Variants in ATP10B observed in about 807,000 individuals in gnomAD.
ATP10B encodes phospholipid-transporting ATPase VB.
In ATP10B, 122 loss-of-function variants were observed where a neutral mutation model predicts 141.2. The observed-to-expected ratio is 0.86, with a 90% confidence interval of 0.75 to 1.00. ATP10B has a LOEUF of 1.00. ATP10B is among the 50% of genes least tolerant of loss of function. ATP10B has a pLI of 0.00. For missense variants in ATP10B, 1,876 were observed against 1,825.3 expected (o/e 1.03, Z -0.51); for synonymous variants, 685 against 692.0 (o/e 0.99, Z 0.16).
chr5:160,904,493 G>A, the ATP10B span, among the ~76,000 whole-genome samples: 1 of 105,806 alleles, frequency 9.5e-6, no homozygotes, highest in Non-Finnish European at 2.0e-5. Flanking sequence ...TTGCCTGTAT[G>A]TCTGGGTGTG....
At chr5:160,785,892 A>T (rs1771110955) in intron 1 of ATP10B, 89 bp from the exon 2 acceptor site, 1 of 260,458 alleles carries the variant, frequency 3.8e-6, no homozygotes, top group Non-Finnish European at 7.4e-6. Flanking sequence ...TTTTCTCTTT[A>T]ACTGGATGGC....
intron 3 of ATP10B, among the ~76,000 whole-genome samples, chr5:160,701,783 C>A (rs1336465195): frequency 6.6e-6 from 1 of 151,672 alleles, no homozygotes; most frequent in Non-Finnish European, 1.5e-5. Context: ...ATTCTAATGC[C>A]TCCTGGGAAG....
At chr5:160,781,385 G>A (rs1226211340) in intron 2 of ATP10B, among the ~76,000 whole-genome samples, 3 of 152,066 alleles carry the variant, frequency 2.0e-5, no homozygotes, top group South Asian at 2.1e-4. Flanking sequence ...GCTGCTCTAC[G>A]TCCAGGAGCC....
At chr5:160,926,572 G>A in the ATP10B span, among the ~76,000 whole-genome samples, 9 of 152,296 alleles carry the variant, frequency 5.9e-5, no homozygotes, top group Non-Finnish European at 1.2e-4. Flanking sequence ...ACAGGGCTGG[G>A]GCTGACGCCA....
At chr5:160,725,354 C>T (rs149008901) in intron 2 of ATP10B, among the ~76,000 whole-genome samples, 1 of 152,322 alleles carries the variant, frequency 6.6e-6, no homozygotes, top group East Asian at 1.9e-4. Flanking sequence ...GGGAAAACTA[C>T]CTTCTTCACT....
intron 3 of ATP10B, among the ~76,000 whole-genome samples, chr5:160,702,109 T>G (rs1764718085): frequency 6.6e-6 from 1 of 152,204 alleles, no homozygotes; most frequent in Non-Finnish European, 1.5e-5. Context: ...TTACACCTCC[T>G]TCCTAGGTAC....
chr5:160,662,521 A>G (rs964531795), intron 7 of ATP10B, among the ~76,000 whole-genome samples: 1 of 152,200 alleles, frequency 6.6e-6, no homozygotes, highest in African/African-American at 2.4e-5. Context: ...TCTTTGACAA[A>G]CCTGAGAAAA....
the ATP10B span, among the ~76,000 whole-genome samples, chr5:160,890,499 T>C: frequency 1.3e-5 from 2 of 151,912 alleles, no homozygotes; most frequent in Non-Finnish European, 2.9e-5. Flanking sequence ...TCTCTTTGGA[T>C]TTGACTATTC....
chr5:160,684,822 T>A (rs1291347850), intron 6 of ATP10B: 2 of 670,042 alleles, frequency 3.0e-6, no homozygotes, highest in South Asian at 3.3e-5. Flanking sequence ...TTCCCCAGAG[T>A]TTTTTGCTTT....
the ATP10B span, among the ~76,000 whole-genome samples, chr5:160,905,052 A>C: frequency 2.0e-5 from 3 of 152,248 alleles, no homozygotes; most frequent in Non-Finnish European, 2.9e-5. Flanking sequence ...GCTAGCAGTT[A>C]TTGAACAGTA....
intron 17 of ATP10B, 30 bp downstream of exon 17, chr5:160,615,808 T>C (rs753165428): frequency 1.9e-6 from 3 of 1,600,442 alleles, no homozygotes; most frequent in African/African-American, 1.3e-5. Flanking sequence ...CATTCCTTTT[T>C]TCCTATAATA....
chr5:160,743,918 C>T (rs1767640787), intron 2 of ATP10B, among the ~76,000 whole-genome samples: 1 of 152,076 alleles, frequency 6.6e-6, no homozygotes, highest in African/African-American at 2.4e-5. Flanking sequence ...TGCTTCTAAT[C>T]ATCCTATAAT....
intron 24 of ATP10B, among the ~76,000 whole-genome samples, chr5:160,573,050 G>T (rs905079682): frequency 8.5e-5 from 13 of 152,066 alleles, no homozygotes; most frequent in African/African-American, 3.1e-4. Flanking sequence ...TTCTAGTATG[G>T]GCTGAATGTT....
At chr5:160,768,747 G>A (rs1292720693) in intron 2 of ATP10B, among the ~76,000 whole-genome samples, 2 of 152,168 alleles carry the variant, frequency 1.3e-5, no homozygotes. Context: ...TGGGCCCAAA[G>A]CTTTAAGAAC....
chr5:160,743,268 A>G (rs1767596907), intron 2 of ATP10B, among the ~76,000 whole-genome samples: 1 of 152,204 alleles, frequency 6.6e-6, no homozygotes, highest in South Asian at 2.1e-4. Flanking sequence ...CTTAACCCAC[A>G]TGCTTACACA....
chr5:160,565,790 C>T lies in ATP10B; in HGVS notation c.4049G>A (p.Arg1350Lys), dbSNP rs1754500361. ...GACAGGGGCAGGCCTCTGTCTGCTT[C>T]TCCAACTCTGGATTTCCAGGTTTCT... ...DKRNLEIQSW[R>K]SRQRPAPVPE... Residue 1350 changes from arginine (R) to lysine (K), a missense_variant, in exon 26 of 26, where the codon AGA becomes AAA. By Grantham distance (26) the Arg-to-Lys change is conservative. Transcript: ENST00000327245. The T allele has an allele frequency of 2.5e-6, 4 of 1,613,968 alleles. No homozygotes were observed. Among genetic ancestry groups the T allele is most frequent in the Non-Finnish European group, 3.4e-6 (4 of 1,179,994 alleles).
At chr5:160,718,226 ACTAGG>A (rs964944941) in intron 2 of ATP10B, among the ~76,000 whole-genome samples, 2 of 152,144 alleles carry the variant, frequency 1.3e-5, no homozygotes, top group Non-Finnish European at 2.9e-5. Flanking sequence ...CCAAATCTAA[ACTAGG>A]TGACTAGTTT....
At chr5:160,830,954 C>T (rs1775028879) in intron 1 of ATP10B, among the ~76,000 whole-genome samples, 1 of 128,756 alleles carries the variant, frequency 7.8e-6, no homozygotes, top group Non-Finnish European at 1.7e-5. Context: ...CTCTCTCTCT[C>T]TCTCATACAT....
At chr5:160,650,676 AC>A in intron 7 of ATP10B, among the ~76,000 whole-genome samples, 1 of 152,186 alleles carries the variant, frequency 6.6e-6, no homozygotes, top group Non-Finnish European at 1.5e-5. Context: ...CAGGACCCAG[AC>A]CTTAGTTATA....
Sources: gnomAD v4.1 joint callset for allele counts (sites outside exome capture counted in the v4.1 genomes callset) on GRCh38, gnomAD v4.1.1 for gene constraint, MANE v1.5 for transcripts, NCBI Gene and HGNC (gene_info 2026-07-23, HGNC 2026-07-21) for gene names.